MTDH: variants seen among roughly 807,000 people sequenced by gnomAD.
MTDH encodes the protein protein LYRIC.
MTDH carries 34 observed loss-of-function variants against 72.7 expected under a neutral mutation model. The observed-to-expected ratio is 0.47, with a 90% CI of 0.36 to 0.62. MTDH has a LOEUF of 0.62. MTDH is among the 20% of genes least tolerant of loss of function. MTDH has a pLI of 0.00. For missense variants in MTDH, 677 were observed against 699.4 expected (o/e 0.97, Z 0.36); for synonymous variants, 266 against 268.9 (o/e 0.99, Z 0.10).
chr8:97,706,175 A>T (rs1030595144), intron 7 of MTDH, among the ~76,000 whole-genome samples: 1 of 152,192 alleles, frequency 6.6e-6, no homozygotes, highest in Admixed American at 6.5e-5. Context: ...GCTCATAAGG[A>T]TAGGAGAGGT....
intron 1 of MTDH, among the ~76,000 whole-genome samples, chr8:97,660,609 T>C (rs755987220): frequency 2.6e-5 from 4 of 152,210 alleles, no homozygotes; most frequent in African/African-American, 4.8e-5. Context: ...CCATACACCC[T>C]GAATATGTTT....
Position 97,644,220 on chromosome 8 carries a change from C to T in MTDH, c.-287C>T. The T allele has an allele frequency of 4.4e-6, 2 of 459,758 alleles. No individual in the cohort carries two copies. Among genetic ancestry groups the T allele is most frequent in the East Asian group, 4.1e-5 (1 of 24,258 alleles). The allele number at this position is 459,758 out of a possible 1,614,324, so 28.5% of individuals were successfully genotyped here. On this transcript the variant is annotated 5_prime_UTR_variant, in exon 1 of 12. Transcript: ENST00000336273. Reference sequence around the variant, plus strand: ...GTTCCGCCGAGGGAGGACAGCGGGGCCTGGCGCTGGCGCCGAGACGCCGCT... The same window carrying T: ...GTTCCGCCGAGGGAGGACAGCGGGGTCTGGCGCTGGCGCCGAGACGCCGCT...
At chr8:97,691,232 TC>T in intron 6 of MTDH, 44 bp downstream of exon 6, 1 of 1,346,556 alleles carries the variant, frequency 7.4e-7, no homozygotes, top group Non-Finnish European at 1.0e-6. Flanking sequence ...AAATTACTAA[TC>T]TTGTACATTT....
intron 2 of MTDH, among the ~76,000 whole-genome samples, chr8:97,682,205 G>A (rs1385373551): frequency 2.0e-5 from 2 of 100,144 alleles, no homozygotes; most frequent in Non-Finnish European, 3.9e-5. Context: ...TAATCTTATC[G>A]GGATGGGTGT....
chr8:97,652,412 A>C (rs1301459129), intron 1 of MTDH, among the ~76,000 whole-genome samples: 2 of 152,226 alleles, frequency 1.3e-5, no homozygotes, highest in Non-Finnish European at 2.9e-5. Flanking sequence ...ACCTTCCCCG[A>C]AAATCCTTTC....
In MTDH at chr8:97,644,339, C is replaced by T; in HGVS notation, c.-168C>T. 3.4e-6 allele frequency: 3 copies of T among 886,246 alleles called. No homozygotes were observed. The highest frequency in any genetic ancestry group is 4.8e-6 in the Non-Finnish European group (3 of 619,192). 54.9% of individuals were successfully genotyped at this position (886,246 alleles called of 1,614,324 possible). A position where few individuals can be genotyped will look rare whatever the true frequency, so the allele number is the denominator to read the frequency against. ...CAGCGGGGAACCTGGGAGACCCCTC[C>T]GCCCTCCCCGCGGTGGCAGCGGCCG... is the stretch of plus-strand genomic sequence containing the variant. On this transcript the variant is annotated 5_prime_UTR_variant, in exon 1 of 12. Transcript: ENST00000336273.
chr8:97,716,690 T>G (rs1814886284), intron 9 of MTDH, among the ~76,000 whole-genome samples: 1 of 151,992 alleles, frequency 6.6e-6, no homozygotes, highest in Non-Finnish European at 1.5e-5. Flanking sequence ...TTATATTGTT[T>G]TTTCTCTTTT....
chr8:97,699,236 C>G (rs1303021991), intron 6 of MTDH, among the ~76,000 whole-genome samples: 1 of 151,802 alleles, frequency 6.6e-6, no homozygotes, highest in South Asian at 2.1e-4. Flanking sequence ...TGCAGTGAGC[C>G]GAGACTGTGC....
rs1813133010 is a variant in MTDH at position 97,682,247 on chromosome 8, TATATATATATATATATATATA to T, written c.484-4420_484-4400del. 2.7e-3 allele frequency among the ~76,000 whole-genome samples: 18 copies of T among 6,764 alleles called. 1 individual carries two copies. Among genetic ancestry groups the T allele is most frequent in the East Asian group, 0.023 (8 of 352 alleles). 4.4% of individuals were successfully genotyped at this position (6,764 alleles called of 152,430 possible). ...TAATTACTTTATATATATATATATATATATATATATATATATATATATATATATATATATTTTTTTTTTTTT... is the reference window on the plus strand; with the variant it reads ...TAATTACTTTATATATATATATATATTATATATATATATTTTTTTTTTTTT... On this transcript the variant is annotated intron_variant, in intron 2 of 11. Transcript: ENST00000336273.
chr8:97,681,925 T>C (rs1242377488), intron 2 of MTDH, among the ~76,000 whole-genome samples: 2 of 152,016 alleles, frequency 1.3e-5, no homozygotes, highest in East Asian at 3.9e-4. Flanking sequence ...ATAGTAGTTA[T>C]TTTATAAATC....
At chr8:97,669,303 C>T (rs953594730) in intron 2 of MTDH, among the ~76,000 whole-genome samples, 1 of 151,934 alleles carries the variant, frequency 6.6e-6, no homozygotes, top group Admixed American at 6.6e-5. Flanking sequence ...GCACCTGCCA[C>T]CACACCCAAC....
chr8:97,717,124 T>TA (rs1175926233), intron 9 of MTDH, among the ~76,000 whole-genome samples: 1 of 152,214 alleles, frequency 6.6e-6, no homozygotes, highest in Non-Finnish European at 1.5e-5. Flanking sequence ...TTCACCCACA[T>TA]ACTTCCAAAG....
At chr8:97,694,012 CCTA>C (rs1260008596) in intron 6 of MTDH, among the ~76,000 whole-genome samples, 3 of 152,068 alleles carry the variant, frequency 2.0e-5, no homozygotes, top group Middle Eastern at 3.4e-3. Flanking sequence ...ACCACATCTG[CCTA>C]CTATTTTATT....
intron 2 of MTDH, among the ~76,000 whole-genome samples, chr8:97,681,847 C>T (rs1262452266): frequency 2.0e-5 from 3 of 152,000 alleles, no homozygotes; most frequent in African/African-American, 4.8e-5. Context: ...TAGATGATAG[C>T]GCAGTTGCTA....
In MTDH at chr8:97,706,683, G is replaced by A. The variant is rs771513059; in HGVS notation, c.1205G>A (p.Gly402Asp). ...SDWNAPAEEW[G>D]NWVDEERASL... is the part of the protein sequence containing the mutation. ...TGGAATGCACCAGCAGAAGAGTGGG[G>A]CAATTGGGTAGACGAAGAAAGAGCT... Residue 402 changes from glycine (G) to aspartate (D), a missense_variant, in exon 8 of 12, where the codon GGC becomes GAC. Around this residue, in one of 3 missense-constraint regions of MTDH, gnomAD observed 201 missense variants for 204.5 expected, o/e 0.98. Transcript: ENST00000336273. The A allele has an allele frequency of 6.2e-7, 1 of 1,613,796 alleles. No individual in the cohort carries two copies.
intron 2 of MTDH, among the ~76,000 whole-genome samples, chr8:97,668,053 C>T (rs540763509): frequency 6.6e-6 from 1 of 152,112 alleles, no homozygotes; most frequent in East Asian, 1.9e-4. Context: ...TTTGGGAGGC[C>T]GAGATCAGTG....
At chr8:97,717,830 A>G (rs181729347) in intron 9 of MTDH, among the ~76,000 whole-genome samples, 1 of 149,820 alleles carries the variant, frequency 6.7e-6, no homozygotes, top group Admixed American at 6.7e-5. Flanking sequence ...GCTCACTGCA[A>G]CCTTCATCTC....
At chr8:97,709,137 T>C (rs946322558) in intron 8 of MTDH, among the ~76,000 whole-genome samples, 1 of 148,594 alleles carries the variant, frequency 6.7e-6, no homozygotes, top group African/African-American at 2.5e-5. Context: ...GAGGTTACAG[T>C]GAGCCAAGGT....
At position 97,729,089 on chromosome 8, in the gene MTDH, T is replaced by A. The variant is rs1815463719; in HGVS notation, c.*4419T>A. Among the ~76,000 whole-genome samples the A allele has an allele frequency of 3.6e-5, 1 of 27,990 alleles. No homozygotes were observed. Among genetic ancestry groups the A allele is most frequent in the South Asian group, 1.0e-3 (1 of 968 alleles). The allele number at this position is 27,990 out of a possible 152,430, so 18.4% of individuals were successfully genotyped here. A position where few individuals can be genotyped will look rare whatever the true frequency, so the allele number is the denominator to read the frequency against. On this transcript the variant is annotated 3_prime_UTR_variant, in exon 12 of 12. Coordinates refer to ENST00000336273, the MANE Select transcript of MTDH (RefSeq NM_178812.4). Reference sequence around the variant, plus strand: ...TACACACCACCATGCCTGGCTAAATTTTTTTTTTTTTTTTTTGGTAGAGAT... The same window carrying A: ...TACACACCACCATGCCTGGCTAAATATTTTTTTTTTTTTTTTGGTAGAGAT...
Sources: gnomAD v4.1 joint callset for allele counts (sites outside exome capture counted in the v4.1 genomes callset) on GRCh38, gnomAD v4.1.1 for gene constraint, gnomAD v4.1.1 regional missense constraint, MANE v1.5 for transcripts, NCBI Gene and HGNC (gene_info 2026-07-23, HGNC 2026-07-21) for gene names.